The following DIAPH2 variants were observed in gnomAD, a reference collection of about 807,000 sequenced individuals.
DIAPH2 encodes diaphanous related formin 2.
DIAPH2 carries 35 observed loss-of-function variants against 92.7 expected under a neutral mutation model. The ratio of observed to expected loss-of-function variants is 0.38; its 90% CI spans 0.29 to 0.50. The LOEUF (loss-of-function observed/expected upper bound fraction) is 0.50, where lower values mean the gene tolerates loss of function less well. Among genes scored for constraint, DIAPH2 ranks in the 20% least tolerant of loss-of-function variants. The pLI is 0.94. For missense variants in DIAPH2, 701 were observed against 819.5 expected (o/e 0.86, Z 1.77); for synonymous variants, 301 against 280.4 (o/e 1.07, Z -0.73).
chrX:96,737,937 T>C (rs768013672), intron 2 of DIAPH2, among the ~76,000 whole-genome samples: 1 of 111,720 alleles, frequency 9.0e-6, no homozygotes, highest in East Asian at 2.8e-4. Flanking sequence ...TATTAACTTA[T>C]TTAAATTTCA....
chrX:96,980,518 A>G (rs1417417313), intron 17 of DIAPH2, among the ~76,000 whole-genome samples: 2 of 110,497 alleles, frequency 1.8e-5, no homozygotes, highest in Non-Finnish European at 3.8e-5. Flanking sequence ...GGGAAAAGCA[A>G]CACTCAAGTG....
chrX:97,518,697 C>T (rs2070969056), intron 26 of DIAPH2, among the ~76,000 whole-genome samples: 1 of 110,717 alleles, frequency 9.0e-6, no homozygotes, highest in Non-Finnish European at 1.9e-5. Flanking sequence ...GTGAGTATAG[C>T]TTTAGTCCTT....
chrX:96,914,646 A>G (rs12116112), intron 7 of DIAPH2, among the ~76,000 whole-genome samples: 3,886 of 110,503 alleles, frequency 0.035, 167 homozygotes, highest in African/African-American at 0.12. Flanking sequence ...GAGAGTCATA[A>G]TAGTAAGATT....
At chrX:96,711,954 G>T (rs1324705447) in intron 1 of DIAPH2, among the ~76,000 whole-genome samples, 1 of 111,080 alleles carries the variant, frequency 9.0e-6, no homozygotes, top group East Asian at 2.8e-4. Flanking sequence ...CTTCTAAATG[G>T]GTGATATCCT....
intron 17 of DIAPH2, among the ~76,000 whole-genome samples, chrX:96,969,199 G>A (rs1047165891): frequency 9.0e-6 from 1 of 111,637 alleles, no homozygotes; most frequent in Non-Finnish European, 1.9e-5. Context: ...GATTGCTTTG[G>A]CTATTTGGGC....
intron 17 of DIAPH2, among the ~76,000 whole-genome samples, chrX:97,026,237 G>A (rs991901771): frequency 8.9e-6 from 1 of 111,848 alleles, no homozygotes; most frequent in Non-Finnish European, 1.9e-5. Context: ...TTCTTATGGG[G>A]ACTCATATTG....
chrX:97,279,710 C>T (rs1281981057), intron 23 of DIAPH2, among the ~76,000 whole-genome samples: 2 of 111,693 alleles, frequency 1.8e-5, no homozygotes, highest in African/African-American at 6.5e-5. Flanking sequence ...GGTTGCTCCC[C>T]CTTACCACAC....
intron 17 of DIAPH2, among the ~76,000 whole-genome samples, chrX:96,978,998 T>C (rs1488008339): frequency 8.9e-6 from 1 of 111,759 alleles, no homozygotes; most frequent in Admixed American, 9.5e-5. Context: ...GTAGGGCAGC[T>C]CATAAAAGTC....
At chrX:97,113,238 C>A (rs758089855) in intron 20 of DIAPH2, among the ~76,000 whole-genome samples, 36 of 111,514 alleles carry the variant, frequency 3.2e-4, no homozygotes, top group South Asian at 1.1e-3. Flanking sequence ...CCAGTGAACA[C>A]CTCCAGAACT....
chrX:97,543,197 C>A lies in DIAPH2; in HGVS notation c.3242-56056C>A, dbSNP rs139265902. Among the ~76,000 whole-genome samples, 634 of 112,125 alleles carry A rather than the reference C, an allele frequency of 5.7e-3. 2 individuals carry two copies. The highest frequency in any genetic ancestry group is 0.019 in the African/African-American group (601 of 30,826). On this transcript the variant is annotated intron_variant, in intron 26 of 26. Transcript: ENST00000324765. ...AATGTCAGCCCAGCATTTCAAATTT[C>A]ATGGCTTCTCCAGAAGGGAGCTCAG... is the stretch of plus-strand genomic sequence containing the variant.
At chrX:97,562,866 C>G (rs1175629886) in intron 26 of DIAPH2, among the ~76,000 whole-genome samples, 1 of 111,809 alleles carries the variant, frequency 8.9e-6, no homozygotes, top group Non-Finnish European at 1.9e-5. Flanking sequence ...AACAAAGATA[C>G]CCCCCAAATC....
chrX:97,227,717 T>G (rs1425521992), intron 22 of DIAPH2, among the ~76,000 whole-genome samples: 1 of 111,553 alleles, frequency 9.0e-6, no homozygotes, highest in African/African-American at 3.3e-5. Context: ...AAGTGAATAG[T>G]GAAGCAAATC....
At chrX:96,884,568 T>C in intron 5 of DIAPH2, 3 of 1,211,101 alleles carry the variant, frequency 2.5e-6, no homozygotes, top group South Asian at 1.8e-5. Context: ...CAGAGAAGGC[T>C]TCAAATCACA....
At chrX:97,542,597 A>T (rs2071148440) in intron 26 of DIAPH2, among the ~76,000 whole-genome samples, 1 of 112,004 alleles carries the variant, frequency 8.9e-6, no homozygotes, top group Non-Finnish European at 1.9e-5. Flanking sequence ...ATGAAACAGG[A>T]CTTCTCAGCA....
chrX:97,384,868 A>T (rs866521021), intron 25 of DIAPH2, among the ~76,000 whole-genome samples: 2 of 107,833 alleles, frequency 1.9e-5, no homozygotes, highest in Non-Finnish European at 3.8e-5. Flanking sequence ...TGTATCTCAA[A>T]AAATAAATAA....
chrX:96,920,239 A>C (rs753900177), intron 9 of DIAPH2, among the ~76,000 whole-genome samples: 45 of 111,121 alleles, frequency 4.0e-4, no homozygotes, highest in Non-Finnish European at 7.5e-4. Flanking sequence ...ATCTTGATAA[A>C]ATTTTATACC....
At position 96,943,408 on chromosome X, in the gene DIAPH2, C is replaced by T. The variant is rs1319363683; in HGVS notation, c.1444+1272C>T. Among the ~76,000 whole-genome samples the T allele has an allele frequency of 2.7e-5, 3 of 111,269 alleles. No individual in the cohort carries two copies. The South Asian group carries it at 1.1e-3, about 42-fold the overall frequency. ...GTATGAACTTTCAAAAAGCCAAATG[C>T]TTTTCAGAAAGCTTGTGCCAATTTA... On this transcript the variant is annotated intron_variant, in intron 13 of 26. Transcript: ENST00000324765.
At chrX:96,992,338 C>A (rs912196714) in intron 17 of DIAPH2, among the ~76,000 whole-genome samples, 3 of 111,287 alleles carry the variant, frequency 2.7e-5, no homozygotes, top group Non-Finnish European at 5.7e-5. Context: ...GTGATAAAAC[C>A]AAGATAATGA....
intron 4 of DIAPH2, among the ~76,000 whole-genome samples, chrX:96,759,710 A>T (rs1177335040): frequency 1.8e-5 from 2 of 111,625 alleles, no homozygotes; most frequent in Non-Finnish European, 3.8e-5. Flanking sequence ...TTTAATGATA[A>T]GATTTTGTTA....
Sources: gnomAD v4.1 joint callset for allele counts (sites outside exome capture counted in the v4.1 genomes callset) on GRCh38, gnomAD v4.1.1 for gene constraint, MANE v1.5 for transcripts, NCBI Gene and HGNC (gene_info 2026-07-23, HGNC 2026-07-21) for gene names.